KHDRBS2: variants seen among roughly 807,000 people sequenced by gnomAD.
KHDRBS2 encodes KH domain-containing, RNA-binding, signal transduction-associated protein 2.
In KHDRBS2, 26 loss-of-function variants were observed where a neutral mutation model predicts 44.3. That is an observed-to-expected ratio of 0.59 (90% CI 0.43 to 0.81). The LOEUF is 0.81. KHDRBS2 is among the 40% of genes least tolerant of loss of function. The pLI is 0.00. For missense variants in KHDRBS2, 476 were observed against 433.1 expected (o/e 1.10, Z -0.88); for synonymous variants, 194 against 151.1 (o/e 1.28, Z -2.08).
chr6:61,669,164 C>A, the KHDRBS2 span, among the ~76,000 whole-genome samples: 8 of 150,946 alleles, frequency 5.3e-5, no homozygotes, highest in Admixed American at 2.6e-4. Context: ...ATATCTTGAG[C>A]CAATATCAAC....
At chr6:61,847,168 G>T (rs1407760043) in intron 6 of KHDRBS2, among the ~76,000 whole-genome samples, 3 of 151,914 alleles carry the variant, frequency 2.0e-5, no homozygotes, top group Admixed American at 6.6e-5. Flanking sequence ...TTTTTATAGG[G>T]TAAGGACAAA....
At chr6:61,727,865 T>A (rs1773826854) in intron 7 of KHDRBS2, among the ~76,000 whole-genome samples, 1 of 152,144 alleles carries the variant, frequency 6.6e-6, no homozygotes, top group South Asian at 2.1e-4. Context: ...GACAGTGGAT[T>A]GATTTCTCAA....
In KHDRBS2 at chr6:62,063,628, T is replaced by C. The variant is rs1422547034; in HGVS notation, c.220-15634A>G. ...TAAATTAGGTATTGATGGGATGTAT[T>C]TCAAAATAATAAGAGCTATCTATGA... On this transcript the variant is annotated intron_variant, in intron 2 of 8. Coordinates refer to ENST00000281156, the MANE Select transcript of KHDRBS2 (RefSeq NM_152688.4). Among the ~76,000 whole-genome samples, 13 of 150,564 alleles carry C rather than the reference T, an allele frequency of 8.6e-5. No individual in the cohort carries two copies. The East Asian group carries it at 9.9e-4, about 11-fold the overall frequency.
intron 1 of KHDRBS2, among the ~76,000 whole-genome samples, chr6:62,261,668 T>C (rs1184356538): frequency 3.3e-5 from 5 of 151,860 alleles, no homozygotes; most frequent in Admixed American, 3.3e-4. Flanking sequence ...AATTAGACCC[T>C]AGGCTAGAAA....
chr6:62,190,521 C>T (rs188523500), intron 1 of KHDRBS2, among the ~76,000 whole-genome samples: 47 of 152,182 alleles, frequency 3.1e-4, no homozygotes, highest in East Asian at 3.9e-4. Context: ...AGGTCGTCTG[C>T]GCTAAGGACA....
chr6:62,151,918 G>T (rs1815285695), intron 2 of KHDRBS2, among the ~76,000 whole-genome samples: 1 of 152,174 alleles, frequency 6.6e-6, no homozygotes, highest in African/African-American at 2.4e-5. Flanking sequence ...ATGTGGTCTG[G>T]AGTCAGATTG....
At chr6:62,261,360 A>C (rs7770793) in intron 1 of KHDRBS2, among the ~76,000 whole-genome samples, 32,427 of 151,708 alleles carry the variant, frequency 0.21, 4,534 homozygotes, top group African/African-American at 0.4. Context: ...TATCATTAGC[A>C]GTGTTTTTAA....
intron 3 of KHDRBS2, among the ~76,000 whole-genome samples, chr6:61,988,114 G>T (rs1775411224): frequency 6.6e-6 from 1 of 152,156 alleles, no homozygotes; most frequent in African/African-American, 2.4e-5. Flanking sequence ...TAGTCTGTGG[G>T]TTTACTAGAG....
rs74926276 is a variant in KHDRBS2 at position 61,980,036 on chromosome 6, A to T, written c.337-1824T>A. Among the ~76,000 whole-genome samples, 50 of 152,268 alleles carry T rather than the reference A, an allele frequency of 3.3e-4. No homozygotes were observed. The East Asian group carries it at 9.3e-3, about 28-fold the overall frequency. ...TCATTGAGTGACATTTCCTAGAGTG[A>T]CATGACTAGCTCATTATGGAGCTCA... is the stretch of plus-strand genomic sequence containing the variant. On this transcript the variant is annotated intron_variant, in intron 3 of 8. Coordinates refer to ENST00000281156, the MANE Select transcript of KHDRBS2 (RefSeq NM_152688.4).
intron 2 of KHDRBS2, among the ~76,000 whole-genome samples, chr6:62,144,289 T>C (rs937179914): frequency 2.6e-5 from 4 of 151,958 alleles, no homozygotes; most frequent in African/African-American, 9.7e-5. Flanking sequence ...ATTTTTCCTG[T>C]TTTAGATGTT....
chr6:61,621,690 T>G, the KHDRBS2 span, among the ~76,000 whole-genome samples: 81 of 152,222 alleles, frequency 5.3e-4, no homozygotes, highest in African/African-American at 1.8e-3. Context: ...TCTTGTATAA[T>G]TCCTTCTCTT....
the KHDRBS2 span, among the ~76,000 whole-genome samples, chr6:61,662,880 C>T: frequency 3.2e-3 from 481 of 151,774 alleles, no homozygotes; most frequent in Non-Finnish European, 5.4e-3. Flanking sequence ...TACCATTTGA[C>T]CCAGCCATCC....
chr6:61,636,254 A>G, the KHDRBS2 span, among the ~76,000 whole-genome samples: 1 of 152,056 alleles, frequency 6.6e-6, no homozygotes, highest in Non-Finnish European at 1.5e-5. Context: ...TTTACTTTCA[A>G]GAACCTCCAT....
chr6:62,073,218 A>G (rs1306479479), intron 2 of KHDRBS2, among the ~76,000 whole-genome samples: 1 of 151,796 alleles, frequency 6.6e-6, no homozygotes, highest in Non-Finnish European at 1.5e-5. Context: ...GGGAGTTTTA[A>G]ATTATTAATT....
chr6:62,069,382 C>T (rs763947082), intron 2 of KHDRBS2, among the ~76,000 whole-genome samples: 15 of 151,812 alleles, frequency 9.9e-5, no homozygotes, highest in South Asian at 2.1e-4. Flanking sequence ...GTTTAGAAGA[C>T]GCATAGTCTG....
chr6:62,161,784 T>C (rs1817716031), intron 2 of KHDRBS2, among the ~76,000 whole-genome samples: 1 of 152,070 alleles, frequency 6.6e-6, no homozygotes, highest in Admixed American at 6.6e-5. Flanking sequence ...TTTCCTTTTG[T>C]ATATATTCTA....
At chr6:62,081,800 A>C (rs546028356) in intron 2 of KHDRBS2, among the ~76,000 whole-genome samples, 83 of 152,110 alleles carry the variant, frequency 5.5e-4, no homozygotes, top group Middle Eastern at 3.4e-3. Flanking sequence ...TTATTGTTAA[A>C]ATTTTTTAGA....
At chr6:62,200,164 C>T (rs1054915362) in intron 1 of KHDRBS2, among the ~76,000 whole-genome samples, 1 of 152,108 alleles carries the variant, frequency 6.6e-6, no homozygotes, top group African/African-American at 2.4e-5. Context: ...CCACTCAGGA[C>T]ATAGGCATGG....
intron 6 of KHDRBS2, among the ~76,000 whole-genome samples, chr6:61,835,626 C>T (rs1236293098): frequency 6.6e-6 from 1 of 151,548 alleles, no homozygotes; most frequent in Non-Finnish European, 1.5e-5. Flanking sequence ...TTGCTTATGG[C>T]CTTACAATAT....
Sources: gnomAD v4.1 joint callset for allele counts (sites outside exome capture counted in the v4.1 genomes callset) on GRCh38, gnomAD v4.1.1 for gene constraint, MANE v1.5 for transcripts, NCBI Gene and HGNC (gene_info 2026-07-23, HGNC 2026-07-21) for gene names.